Variants in LSAMP observed in about 807,000 individuals in gnomAD.
LSAMP encodes the protein limbic system-associated membrane protein.
In LSAMP, 7 loss-of-function variants were observed where a neutral mutation model predicts 38.6. That is an observed-to-expected ratio of 0.18 (90% CI 0.10 to 0.34). The LOEUF is 0.34. LSAMP is among the 10% of genes least tolerant of loss of function. The pLI, the probability that LSAMP is intolerant of heterozygous loss-of-function variation, is 1.00. For missense variants in LSAMP, 313 were observed against 420.0 expected, an observed-to-expected ratio of 0.75 and a Z score of 2.23; for synonymous variants, 154 against 166.8, an observed-to-expected ratio of 0.92 and a Z score of 0.59.
At chr3:116,366,753 G>A (rs569843470) in intron 1 of LSAMP, among the ~76,000 whole-genome samples, 2 of 152,146 alleles carry the variant, frequency 1.3e-5, no homozygotes, top group South Asian at 4.1e-4. Flanking sequence ...CATCCTCTCT[G>A]CTTTACTACA....
chr3:116,345,446 G>C (rs893985347), intron 1 of LSAMP, among the ~76,000 whole-genome samples: 2 of 152,088 alleles, frequency 1.3e-5, no homozygotes, highest in Non-Finnish European at 2.9e-5. Flanking sequence ...GACTTGGGGT[G>C]TATCAATCTT....
intron 1 of LSAMP, among the ~76,000 whole-genome samples, chr3:116,314,196 G>C (rs983126500): frequency 6.6e-5 from 10 of 152,170 alleles, no homozygotes; most frequent in Admixed American, 2.6e-4. Flanking sequence ...TCAGGCTCCA[G>C]AAATAGATTG....
chr3:116,378,988 AACACACACACACACACAC>A (rs3028640), intron 1 of LSAMP, among the ~76,000 whole-genome samples: 4 of 137,042 alleles, frequency 2.9e-5, no homozygotes, highest in Non-Finnish European at 6.3e-5. Context: ...AATTGCTCAG[AACACACACACACACACAC>A]ACACACACAC....
At chr3:116,126,626 C>T (rs1391266950) in intron 1 of LSAMP, among the ~76,000 whole-genome samples, 1 of 152,060 alleles carries the variant, frequency 6.6e-6, no homozygotes, top group Admixed American at 6.5e-5. Context: ...CTTTGGGAGG[C>T]CAAGGCAGGC....
At chr3:116,301,362 C>T (rs968008887) in intron 1 of LSAMP, among the ~76,000 whole-genome samples, 8 of 152,110 alleles carry the variant, frequency 5.3e-5, no homozygotes, top group African/African-American at 1.9e-4. Flanking sequence ...ATTAATTCAA[C>T]CCTCTGTACC....
chr3:115,819,837 T>C (rs995635684), intron 6 of LSAMP, among the ~76,000 whole-genome samples: 8 of 152,144 alleles, frequency 5.3e-5, no homozygotes, highest in Non-Finnish European at 1.2e-4. Flanking sequence ...GAAAAGAGAA[T>C]GGAATTCTTA....
intron 2 of LSAMP, among the ~76,000 whole-genome samples, chr3:116,042,822 G>A (rs1208396313): frequency 6.6e-6 from 1 of 152,124 alleles, no homozygotes; most frequent in African/African-American, 2.4e-5. Flanking sequence ...CACATACTTG[G>A]TAGCAAAGAA....
chr3:115,850,432 A>T (rs1453241097), intron 4 of LSAMP, among the ~76,000 whole-genome samples: 4 of 152,226 alleles, frequency 2.6e-5, no homozygotes, highest in Non-Finnish European at 5.9e-5. Flanking sequence ...GAAGAGATGG[A>T]AGATGATGGC....
At chr3:116,059,396 C>T (rs1047724063) in intron 2 of LSAMP, among the ~76,000 whole-genome samples, 4 of 152,048 alleles carry the variant, frequency 2.6e-5, no homozygotes, top group African/African-American at 9.7e-5. Context: ...TTTTGGAACC[C>T]CCTTGGTATT....
At chr3:116,127,158 A>G (rs1709026496) in intron 1 of LSAMP, among the ~76,000 whole-genome samples, 1 of 152,224 alleles carries the variant, frequency 6.6e-6, no homozygotes, top group Admixed American at 6.5e-5. Context: ...TCCTACTAAT[A>G]AAATGCCAAA....
chr3:115,860,380 A>G (rs927888562), intron 3 of LSAMP, among the ~76,000 whole-genome samples: 5 of 152,200 alleles, frequency 3.3e-5, no homozygotes, highest in Non-Finnish European at 5.9e-5. Context: ...TACTTTTATC[A>G]TTAGAATGCT....
chr3:116,380,995 C>T (rs893413414), intron 1 of LSAMP, among the ~76,000 whole-genome samples: 2 of 152,016 alleles, frequency 1.3e-5, no homozygotes, highest in African/African-American at 4.8e-5. Flanking sequence ...AATATATGCA[C>T]ATTAAAATGA....
intron 2 of LSAMP, among the ~76,000 whole-genome samples, chr3:116,028,686 C>T (rs1940849267): frequency 6.6e-6 from 1 of 152,042 alleles, no homozygotes. Context: ...CTAAAACTAG[C>T]TAATAAAGAA....
At chr3:116,094,606 T>C (rs1311089430) in intron 1 of LSAMP, among the ~76,000 whole-genome samples, 1 of 152,174 alleles carries the variant, frequency 6.6e-6, no homozygotes, top group Non-Finnish European at 1.5e-5. Flanking sequence ...CAGGGCAGGG[T>C]AAGAACACCG....
chr3:115,898,956 T>C (rs1576197956), intron 3 of LSAMP, among the ~76,000 whole-genome samples: 2 of 152,134 alleles, frequency 1.3e-5, no homozygotes, highest in East Asian at 3.9e-4. Context: ...CAATGACCAT[T>C]TGAAGCCATG....
intron 4 of LSAMP, among the ~76,000 whole-genome samples, chr3:115,844,819 T>C (rs1935104131): frequency 6.6e-6 from 1 of 151,790 alleles, no homozygotes. Context: ...TCTACTAAAA[T>C]ACAAAAAACT....
intron 1 of LSAMP, among the ~76,000 whole-genome samples, chr3:116,216,126 C>T (rs1045198573): frequency 2.0e-5 from 3 of 152,128 alleles, no homozygotes; most frequent in Non-Finnish European, 4.4e-5. Flanking sequence ...TCACTTTATT[C>T]ATGAAAGTGA....
chr3:116,384,870 C>A (rs577005993), intron 1 of LSAMP, among the ~76,000 whole-genome samples: 100 of 152,244 alleles, frequency 6.6e-4, no homozygotes, highest in Non-Finnish European at 1.2e-3. Flanking sequence ...GCATGGATAA[C>A]CAGGGCAAAG....
chr3:116,354,778 C>G (rs935667643), intron 1 of LSAMP, among the ~76,000 whole-genome samples: 1 of 151,930 alleles, frequency 6.6e-6, no homozygotes, highest in Non-Finnish European at 1.5e-5. Context: ...GAGGGAAATA[C>G]AGAGAAAGTA....
Sources: gnomAD v4.1 joint callset for allele counts (sites outside exome capture counted in the v4.1 genomes callset) on GRCh38, gnomAD v4.1.1 for gene constraint, MANE v1.5 for transcripts, NCBI Gene and HGNC (gene_info 2026-07-23, HGNC 2026-07-21) for gene names.